ACER3: variants seen among roughly 807,000 people sequenced by gnomAD.
ACER3 encodes the protein alkCDase 3.
In ACER3, 16 loss-of-function variants were observed where a neutral mutation model predicts 48.9. The observed-to-expected ratio is 0.33, with a 90% CI of 0.22 to 0.50. ACER3 has a LOEUF of 0.50. Ranked by LOEUF, ACER3 falls within the 20% of genes least tolerant of loss-of-function variation. The probability of loss-of-function intolerance (pLI) is 0.98; values close to 1 mark genes in which losing one functional copy is unlikely to be tolerated. For missense variants in ACER3, 227 were observed against 326.0 expected (o/e 0.70, Z 2.34); for synonymous variants, 109 against 107.8 (o/e 1.01, Z -0.07).
intron 1 of ACER3, among the ~76,000 whole-genome samples, chr11:76,873,997 G>A (rs1036543967): frequency 6.6e-6 from 1 of 152,192 alleles, no homozygotes; most frequent in African/African-American, 2.4e-5. Flanking sequence ...CTCACCTGGA[G>A]AGTTTTAGGT....
intron 1 of ACER3, among the ~76,000 whole-genome samples, chr11:76,910,573 G>A (rs1193977960): frequency 6.6e-6 from 1 of 152,064 alleles, no homozygotes; most frequent in African/African-American, 2.4e-5. Context: ...AGAAAATTAA[G>A]GCGCAAGGTG....
intron 1 of ACER3, among the ~76,000 whole-genome samples, chr11:76,873,634 A>C (rs577667113): frequency 1.3e-5 from 2 of 152,354 alleles, no homozygotes; most frequent in African/African-American, 4.8e-5. Flanking sequence ...AGAGCTTAGT[A>C]GGTACTTGAA....
intron 1 of ACER3, among the ~76,000 whole-genome samples, chr11:76,863,010 G>T (rs1245979622): frequency 6.6e-6 from 1 of 152,182 alleles, no homozygotes; most frequent in Non-Finnish European, 1.5e-5. Context: ...AGGACTGCTT[G>T]AGGCCAGGAG....
intron 3 of ACER3, among the ~76,000 whole-genome samples, chr11:76,959,586 C>T (rs891508601): frequency 3.3e-5 from 5 of 151,572 alleles, no homozygotes; most frequent in African/African-American, 7.3e-5. Context: ...AAGTTTTGCT[C>T]TTATTGCCCA....
intron 2 of ACER3, among the ~76,000 whole-genome samples, chr11:76,954,122 T>C (rs1048087231): frequency 6.6e-6 from 1 of 152,106 alleles, no homozygotes; most frequent in Non-Finnish European, 1.5e-5. Context: ...TAATTTTGTA[T>C]TTTTAGTAGA....
chr11:76,999,929 G>C (rs1262414514), intron 7 of ACER3, among the ~76,000 whole-genome samples: 2 of 152,150 alleles, frequency 1.3e-5, no homozygotes, highest in Non-Finnish European at 2.9e-5. Flanking sequence ...TTGTAATGCA[G>C]GTTTTTATGG....
intron 9 of ACER3, among the ~76,000 whole-genome samples, chr11:77,018,774 C>T (rs148647199): frequency 7.6e-4 from 116 of 152,352 alleles, no homozygotes; most frequent in South Asian, 3.3e-3. Context: ...CCCCAACTCA[C>T]TTCAGTTCTG....
chr11:76,936,756 C>T lies in ACER3; in HGVS notation c.214+10089C>T, dbSNP rs547559391. On this transcript the variant is annotated intron_variant, in intron 2 of 10. Transcript: ENST00000532485. The stretch of plus-strand genomic sequence containing the variant: ...TTTTTAAGACAGAGTCTCGCTCTGT[C>T]GCCCAGGCTACAGTGCAGTGGTGCA... Among the ~76,000 whole-genome samples the T allele has an allele frequency of 5.3e-4, 79 of 148,246 alleles. No individual in the cohort carries two copies. The South Asian group carries it at 0.014, about 25-fold the overall frequency.
intron 2 of ACER3, among the ~76,000 whole-genome samples, chr11:76,949,579 T>C (rs984490284): frequency 1.3e-5 from 2 of 152,066 alleles, no homozygotes; most frequent in African/African-American, 4.8e-5. Context: ...GAATTTCTAA[T>C]TTTTATAAAT....
intron 1 of ACER3, among the ~76,000 whole-genome samples, chr11:76,925,906 G>C (rs1946817514): frequency 6.6e-6 from 1 of 152,052 alleles, no homozygotes; most frequent in Admixed American, 6.6e-5. Context: ...ATAAAATACT[G>C]TTTAGCCATT....
chr11:77,007,642 G>A (rs1287895628), intron 7 of ACER3, among the ~76,000 whole-genome samples: 2 of 152,208 alleles, frequency 1.3e-5, no homozygotes, highest in African/African-American at 4.8e-5. Context: ...TATCCCACTA[G>A]GGAGGGAAAA....
intron 3 of ACER3, among the ~76,000 whole-genome samples, chr11:76,961,451 G>C (rs936510471): frequency 5.9e-5 from 9 of 151,768 alleles, no homozygotes; most frequent in African/African-American, 2.2e-4. Context: ...CTGGGAATGG[G>C]GAACTTCAAA....
At position 76,958,874 on chromosome 11, in the gene ACER3, T is replaced by C; in HGVS notation, c.215-105T>C. 5 of 1,292,734 alleles carry C rather than the reference T, an allele frequency of 3.9e-6. No individual in the cohort carries two copies. The East Asian group carries it at 9.6e-5, about 25-fold the overall frequency. 80.1% of individuals were successfully genotyped at this position (1,292,734 alleles called of 1,614,324 possible). A position where few individuals can be genotyped will look rare whatever the true frequency, so the allele number is the denominator to read the frequency against. ...ATCTTGCCACTAGATTTTATAAACT[T>C]CATTATCCTTAACTCAATGCTTTGA... On this transcript the variant is annotated intron_variant, in intron 2 of 10. Coordinates refer to ENST00000532485, the MANE Select transcript of ACER3 (RefSeq NM_018367.7).
At chr11:76,969,818 A>G (rs1471789539) in intron 3 of ACER3, among the ~76,000 whole-genome samples, 2 of 136,028 alleles carry the variant, frequency 1.5e-5, no homozygotes, top group African/African-American at 5.9e-5. Context: ...GGGGGGAGGG[A>G]TAGCATTAGG....
chr11:76,982,649 T>C (rs1948611179), intron 4 of ACER3, among the ~76,000 whole-genome samples: 1 of 152,214 alleles, frequency 6.6e-6, no homozygotes, highest in Admixed American at 6.5e-5. Flanking sequence ...TTAATGTCTC[T>C]TGAAGAACAG....
In ACER3 at chr11:77,022,577, G is replaced by A. The variant is rs76526589; in HGVS notation, c.*2250G>A. The A allele has an allele frequency of 6.6e-6, 1 of 152,080 alleles. No individual in the cohort carries two copies. The allele number at this position is 152,080 out of a possible 1,614,324, so 9.4% of individuals were successfully genotyped here. A position where few individuals can be genotyped will look rare whatever the true frequency, so the allele number is the denominator to read the frequency against. ...GCAGCATTTTATGGAAATCACTGGTGACCTATAGGATATTACTAAATTATT... is the reference window on the plus strand; with the variant it reads ...GCAGCATTTTATGGAAATCACTGGTAACCTATAGGATATTACTAAATTATT... On this transcript the variant is annotated 3_prime_UTR_variant, in exon 11 of 11. Transcript: ENST00000532485.
At chr11:77,018,690 A>C (rs1405930344) in intron 9 of ACER3, among the ~76,000 whole-genome samples, 3 of 152,234 alleles carry the variant, frequency 2.0e-5, no homozygotes, top group African/African-American at 7.2e-5. Context: ...ATGTGTAGAA[A>C]TTTCTAGTAG....
intron 1 of ACER3, among the ~76,000 whole-genome samples, chr11:76,919,643 G>T (rs1239462734): frequency 1.3e-5 from 2 of 152,124 alleles, no homozygotes; most frequent in Non-Finnish European, 2.9e-5. Flanking sequence ...TTCCAGAACA[G>T]AAATTTTTTA....
At chr11:76,884,655 T>C (rs1945627822) in intron 1 of ACER3, among the ~76,000 whole-genome samples, 2 of 152,256 alleles carry the variant, frequency 1.3e-5, no homozygotes, top group African/African-American at 4.8e-5. Flanking sequence ...TTCTTCATTA[T>C]TATTCTGTTA....
Sources: gnomAD v4.1 joint callset for allele counts (sites outside exome capture counted in the v4.1 genomes callset) on GRCh38, gnomAD v4.1.1 for gene constraint, MANE v1.5 for transcripts, NCBI Gene and HGNC (gene_info 2026-07-23, HGNC 2026-07-21) for gene names.